The following DDX47 variants were observed in gnomAD, a reference collection of about 807,000 sequenced individuals.
The protein encoded by DDX47 is DEAD-box helicase 47.
Under a neutral mutation model 58.8 loss-of-function variants are expected in DDX47, and 60 were observed. That is an observed-to-expected ratio of 1.02 (90% confidence interval 0.83 to 1.26). The LOEUF (loss-of-function observed/expected upper bound fraction) is 1.26, where lower values mean the gene tolerates loss of function less well. Among genes scored for constraint, DDX47 ranks in the 50% most tolerant of loss-of-function variants. DDX47 has a pLI of 0.00. For synonymous variants in DDX47, 197 were observed against 204.6 expected (o/e 0.96, Z 0.32); for missense variants, 530 against 573.2 (o/e 0.92, Z 0.77).
In DDX47 at chr12:12,822,659, AG is replaced by A; in HGVS notation, c.562del. ...TGGCATCTTTTCCTCTTTGTGCTTT[AG>A]GTTGACAAGATCCTCAAAGTGATTC... On this transcript the variant is annotated splice_acceptor_variant, in intron 5 of 11. Coordinates refer to ENST00000358007, the MANE Select transcript of DDX47 (RefSeq NM_016355.4). LOFTEE classifies it high-confidence loss of function. The A allele has an allele frequency of 6.2e-7, 1 of 1,613,574 alleles. No individual in the cohort carries two copies. The highest frequency in any genetic ancestry group is 8.5e-7 in the Non-Finnish European group (1 of 1,179,614).
chr12:12,821,583 G>A (rs1448189519), intron 3 of DDX47, 72 bp from the exon 4 acceptor site: 1 of 1,501,834 alleles, frequency 6.7e-7, no homozygotes, highest in Non-Finnish European at 9.2e-7. Context: ...TCTGGCATTG[G>A]CTTTAAAAGA....
intron 2 of DDX47, among the ~76,000 whole-genome samples, chr12:12,819,752 A>AT (rs780540449): frequency 2.6e-4 from 40 of 152,296 alleles, no homozygotes; most frequent in Non-Finnish European, 4.9e-4. Flanking sequence ...TCTGTTGCCT[A>AT]TATTGCAGTT....
At chr12:12,827,719 T>C (rs2136426823) in intron 11 of DDX47, among the ~76,000 whole-genome samples, 1 of 152,298 alleles carries the variant, frequency 6.6e-6, no homozygotes, top group East Asian at 1.9e-4. Flanking sequence ...AATCAGTTTC[T>C]CACCTGTAAA....
intron 2 of DDX47, among the ~76,000 whole-genome samples, chr12:12,817,380 A>G (rs766053525): frequency 1.3e-5 from 2 of 152,168 alleles, no homozygotes; most frequent in Admixed American, 6.5e-5. Context: ...AAAAACCTCT[A>G]TTAATGGACC....
chr12:12,823,107 T>G (rs1394852195), intron 6 of DDX47, 96 bp from the exon 7 acceptor site: 1 of 814,250 alleles, frequency 1.2e-6, no homozygotes, highest in East Asian at 2.4e-5. Flanking sequence ...GGATTACAAT[T>G]CAACATGAGA....
intron 10 of DDX47, 136 bp from the exon 11 acceptor site, chr12:12,827,110 T>C: frequency 5.2e-6 from 6 of 1,155,622 alleles, no homozygotes; most frequent in Non-Finnish European, 7.2e-6. Flanking sequence ...TTAACCCATA[T>C]TTAGAAAAGA....
Position 12,823,874 on chromosome 12 carries a change from C to T in DDX47, c.755C>T (p.Thr252Ile), listed in dbSNP as rs1565447682. 6.2e-7 allele frequency: 1 copy of T among 1,613,390 alleles called. No individual in the cohort carries two copies. The highest frequency in any genetic ancestry group is 8.5e-7 in the Non-Finnish European group (1 of 1,179,688). Residue 252 changes from threonine (T) to isoleucine (I), a missense_variant, in exon 8 of 12, where the codon ACC becomes ATC. Thr to Ile is a moderately conservative substitution (Grantham distance 89). Coordinates refer to ENST00000358007, the MANE Select transcript of DDX47 (RefSeq NM_016355.4). ...TGTTTTGGGTTTGTAACTTAGGATA[C>T]CTACCTGGTTTATATTCTAAATGAA... ...YIFIPSKFKD[T>I]YLVYILNELA...
At chr12:12,814,310 G>T (rs1862863795) in intron 2 of DDX47, 86 bp downstream of exon 2, 1 of 854,868 alleles carries the variant, frequency 1.2e-6, no homozygotes, top group South Asian at 1.4e-5. Context: ...CATACTTCAA[G>T]TGAAATAAGG....
chr12:12,826,134 C>T, intron 10 of DDX47, 64 bp downstream of exon 10: 1 of 1,376,668 alleles, frequency 7.3e-7, no homozygotes, highest in Non-Finnish European at 1.0e-6. Context: ...AAGCCACTGG[C>T]TGAGAACCTG....
intron 10 of DDX47, 42 bp downstream of exon 10, chr12:12,826,112 A>G: frequency 6.4e-7 from 1 of 1,560,758 alleles, no homozygotes. Flanking sequence ...TAGAGAAAAG[A>G]GCAGAACTTT....
Position 12,814,157 on chromosome 12 carries a change from T to A in DDX47, c.114T>A (p.Ala38=), listed in dbSNP as rs751716292. The A allele has an allele frequency of 2.5e-6, 4 of 1,613,876 alleles. No homozygotes were observed. Among genetic ancestry groups the A allele is most frequent in the Non-Finnish European group, 2.5e-6 (3 of 1,179,750 alleles). The change falls in exon 2 of 12, where the codon GCT becomes GCA. Residue 38 remains alanine, a synonymous_variant. Coordinates refer to ENST00000358007, the MANE Select transcript of DDX47 (RefSeq NM_016355.4). ...DLGVTDVLCE[A]CDQLGWTKPT... Reference sequence around the variant, plus strand: ...GTGTGACAGATGTGTTGTGTGAAGCTTGTGACCAGTTGGGATGGACAAAAC... The same window carrying A: ...GTGTGACAGATGTGTTGTGTGAAGCATGTGACCAGTTGGGATGGACAAAAC...
At chr12:12,817,214 C>T (rs565497831) in intron 2 of DDX47, among the ~76,000 whole-genome samples, 9 of 152,232 alleles carry the variant, frequency 5.9e-5, no homozygotes, top group South Asian at 2.1e-4. Context: ...CCAGATTGTC[C>T]GCTGTTCTTA....
At position 12,824,657 on chromosome 12, in the gene DDX47, G is replaced by A. The variant is rs1863024209; in HGVS notation, c.1015G>A (p.Asp339Asn). The A allele has an allele frequency of 6.2e-7, 1 of 1,614,138 alleles. No individual in the cohort carries two copies. Among genetic ancestry groups the A allele is most frequent in the East Asian group, 2.2e-5 (1 of 44,888 alleles). Residue 339 changes from aspartate to asparagine, a missense_variant, in exon 9 of 12, where the codon GAC becomes AAC. Coordinates refer to ENST00000358007, the MANE Select transcript of DDX47 (RefSeq NM_016355.4). ...TCATGTAGATGTGGTTGTCAACTTT[G>A]ACATTCCTACCCATTCCAAGGTGAG... Reference protein sequence around the residue: ...IPHVDVVVNFDIPTHSKDYIH... With the variant: ...IPHVDVVVNFNIPTHSKDYIH...
intron 11 of DDX47, among the ~76,000 whole-genome samples, chr12:12,828,655 A>G (rs1219702102): frequency 1.3e-5 from 2 of 152,182 alleles, no homozygotes; most frequent in South Asian, 2.1e-4. Flanking sequence ...TTCTGTCCAC[A>G]TGGGATTTTT....
chr12:12,821,518 A>G (rs1862972836), intron 3 of DDX47, 122 bp downstream of exon 3: 2 of 1,436,434 alleles, frequency 1.4e-6, no homozygotes, highest in Admixed American at 1.8e-5. Context: ...CTAATGTTGT[A>G]TTTGAGCTTT....
Position 12,822,000 on chromosome 12 carries a change from A to G in DDX47, c.478A>G (p.Thr160Ala). 6.2e-7 allele frequency: 1 copy of G among 1,613,978 alleles called. No individual in the cohort carries two copies. Among genetic ancestry groups the G allele is most frequent in the Non-Finnish European group, 8.5e-7 (1 of 1,179,958 alleles). ...TCGACTGATTGACCACTTGGAAAATACGAAAGGTTTCAACTTGAGAGCTCT... is the reference window on the plus strand; with the variant it reads ...TCGACTGATTGACCACTTGGAAAATGCGAAAGGTTTCAACTTGAGAGCTCT... ...PGRLIDHLEN[T>A]KGFNLRALKY... is the part of the protein sequence containing the mutation. Residue 160 changes from threonine to alanine, a missense_variant, in exon 5 of 12, where the codon ACG (threonine) becomes GCG (alanine). By Grantham distance (58) the Thr-to-Ala change is moderately conservative. Transcript: ENST00000358007.
At chr12:12,818,257 C>A (rs1378697760) in intron 2 of DDX47, among the ~76,000 whole-genome samples, 1 of 152,160 alleles carries the variant, frequency 6.6e-6, no homozygotes, top group East Asian at 1.9e-4. Context: ...CGTGGTGGCT[C>A]ACGCCTGTAA....
intron 4 of DDX47, 57 bp from the exon 5 acceptor site, chr12:12,821,908 G>GTTT: frequency 2.7e-6 from 3 of 1,121,166 alleles, no homozygotes; most frequent in South Asian, 1.5e-5. Flanking sequence ...TATTTGTTTT[G>GTTT]TTTTTTTTTT....
intron 2 of DDX47, among the ~76,000 whole-genome samples, chr12:12,818,266 A>G (rs1419965396): frequency 6.6e-6 from 1 of 152,228 alleles, no homozygotes; most frequent in Non-Finnish European, 1.5e-5. Context: ...TCACGCCTGT[A>G]ATCCTAGCAT....
Sources: allele counts gnomAD v4.1 joint callset (sites outside exome capture counted in the v4.1 genomes callset), GRCh38; gene constraint gnomAD v4.1.1; transcripts MANE v1.5; gene names NCBI Gene and HGNC (gene_info 2026-07-23, HGNC 2026-07-21).